ASAP1: variants seen among roughly 807,000 people sequenced by gnomAD.
ASAP1 encodes the protein ArfGAP with SH3 domain, ankyrin repeat and PH domain 1, also known as arf-GAP with SH3 domain, ANK repeat and PH domain-containing protein 1.
ASAP1 carries 43 observed loss-of-function variants against 145.2 expected under a neutral mutation model. That is an observed-to-expected ratio of 0.30 (90% CI 0.23 to 0.38). ASAP1 has a LOEUF of 0.38. ASAP1 is among the 10% of genes least tolerant of loss of function. The pLI, the probability that ASAP1 is intolerant of heterozygous loss-of-function variation, is 1.00. For synonymous variants in ASAP1, 546 were observed against 515.5 expected (o/e 1.06, Z -0.80); for missense variants, 1,018 against 1,355.3 (o/e 0.75, Z 3.91).
At chr8:130,321,752 G>T (rs755722097) in intron 3 of ASAP1, among the ~76,000 whole-genome samples, 1 of 152,090 alleles carries the variant, frequency 6.6e-6, no homozygotes, top group Non-Finnish European at 1.5e-5. Flanking sequence ...AAACTAATAT[G>T]CCAGAAAGAT....
intron 3 of ASAP1, among the ~76,000 whole-genome samples, chr8:130,349,607 T>C (rs1280058462): frequency 3.3e-5 from 5 of 152,086 alleles, no homozygotes; most frequent in African/African-American, 7.2e-5. Context: ...GGCAAGAGAA[T>C]TTCACCCTCC....
intron 11 of ASAP1, among the ~76,000 whole-genome samples, chr8:130,161,266 G>C (rs779175688): frequency 6.6e-6 from 1 of 152,112 alleles, no homozygotes; most frequent in Non-Finnish European, 1.5e-5. Context: ...CCTGAAATGT[G>C]ATAGTGTCGA....
intron 27 of ASAP1, among the ~76,000 whole-genome samples, chr8:130,072,449 G>T (rs1330988021): frequency 6.6e-6 from 1 of 152,102 alleles, no homozygotes; most frequent in Non-Finnish European, 1.5e-5. Context: ...CTGCTGCCAT[G>T]TAAGACGTGC....
chr8:130,269,976 C>T (rs1439644230), intron 3 of ASAP1, among the ~76,000 whole-genome samples: 2 of 152,104 alleles, frequency 1.3e-5, no homozygotes, highest in African/African-American at 4.8e-5. Flanking sequence ...TCAAGACCAG[C>T]CTGGCTAACA....
At chr8:130,068,446 G>C (rs1020497524) in intron 27 of ASAP1, among the ~76,000 whole-genome samples, 1 of 152,356 alleles carries the variant, frequency 6.6e-6, no homozygotes, top group Middle Eastern at 3.4e-3. Flanking sequence ...GGTATAGTGC[G>C]AAAGAACTGT....
intron 28 of ASAP1, among the ~76,000 whole-genome samples, chr8:130,060,367 C>G (rs1199140038): frequency 6.6e-6 from 1 of 152,178 alleles, no homozygotes; most frequent in Non-Finnish European, 1.5e-5. Flanking sequence ...ATGTCAGGCA[C>G]TGAAGCCAGG....
chr8:130,208,318 T>C (rs1313139249), intron 5 of ASAP1, among the ~76,000 whole-genome samples: 1 of 152,196 alleles, frequency 6.6e-6, no homozygotes, highest in East Asian at 1.9e-4. Flanking sequence ...TATAGTTCTA[T>C]GGCATTCTGT....
chr8:130,443,251 G>C (rs1166835360), intron 1 of ASAP1, among the ~76,000 whole-genome samples: 2 of 151,848 alleles, frequency 1.3e-5, no homozygotes, highest in East Asian at 3.9e-4. Flanking sequence ...CGGCCCCGCA[G>C]AGCCTGGCCG....
intron 7 of ASAP1, among the ~76,000 whole-genome samples, chr8:130,183,328 T>C (rs1282297286): frequency 2.0e-5 from 3 of 152,052 alleles, no homozygotes; most frequent in Non-Finnish European, 4.4e-5. Flanking sequence ...CATTTAGAGA[T>C]AAAATTATTA....
At chr8:130,095,621 TC>T (rs973993663) in intron 24 of ASAP1, among the ~76,000 whole-genome samples, 1 of 146,308 alleles carries the variant, frequency 6.8e-6, no homozygotes, top group Non-Finnish European at 1.5e-5. Context: ...GATTCTTTTG[TC>T]TTTTTTTTTT....
chr8:130,131,241 A>G (rs1341654672), intron 15 of ASAP1, among the ~76,000 whole-genome samples: 2 of 152,172 alleles, frequency 1.3e-5, no homozygotes, highest in South Asian at 2.1e-4. Flanking sequence ...TGAGTCTAAC[A>G]TGCATCTGCT....
intron 27 of ASAP1, among the ~76,000 whole-genome samples, chr8:130,066,457 C>T (rs543949039): frequency 3.9e-5 from 6 of 152,262 alleles, no homozygotes; most frequent in South Asian, 2.1e-4. Context: ...GTGATCCTCC[C>T]GCTTCAGCCT....
intron 13 of ASAP1, among the ~76,000 whole-genome samples, chr8:130,146,943 C>T (rs1256809723): frequency 6.6e-6 from 1 of 151,994 alleles, no homozygotes; most frequent in African/African-American, 2.4e-5. Flanking sequence ...AGAATTCCAA[C>T]GGCCAGGTGT....
chr8:130,344,916 T>C (rs1291196360), intron 3 of ASAP1, among the ~76,000 whole-genome samples: 1 of 152,174 alleles, frequency 6.6e-6, no homozygotes, highest in Non-Finnish European at 1.5e-5. Flanking sequence ...ATAAAACCCG[T>C]ATGTTTTAGT....
chr8:130,278,016 G>C (rs1821019386), intron 3 of ASAP1, among the ~76,000 whole-genome samples: 1 of 151,064 alleles, frequency 6.6e-6, no homozygotes, highest in African/African-American at 2.4e-5. Flanking sequence ...CAGCGAGGCT[G>C]AAGATTTATT....
chr8:130,389,809 TTCCACCTCAGCC>T (rs1355775159), intron 2 of ASAP1, among the ~76,000 whole-genome samples: 2 of 152,210 alleles, frequency 1.3e-5, no homozygotes, highest in Non-Finnish European at 2.9e-5. Context: ...CAAGCAATCC[TTCCACCTCAGCC>T]TCCCAACTAC....
intron 18 of ASAP1, among the ~76,000 whole-genome samples, chr8:130,120,673 C>G (rs1331805704): frequency 6.6e-6 from 1 of 152,164 alleles, no homozygotes. Context: ...GCAGATGCCA[C>G]GCAATTATTT....
intron 1 of ASAP1, among the ~76,000 whole-genome samples, chr8:130,412,408 C>T (rs1052684158): frequency 1.3e-5 from 2 of 151,944 alleles, no homozygotes; most frequent in African/African-American, 4.8e-5. Flanking sequence ...TGCTCTCTCT[C>T]TTGCTCCTGC....
chr8:130,205,399 AAC>A (rs1049717176), intron 5 of ASAP1, among the ~76,000 whole-genome samples: 4 of 151,666 alleles, frequency 2.6e-5, no homozygotes, highest in Admixed American at 1.3e-4. Flanking sequence ...AAAAAAAAAA[AAC>A]AAAAACCATA....
Sources: gnomAD v4.1 joint callset for allele counts (sites outside exome capture counted in the v4.1 genomes callset) on GRCh38, gnomAD v4.1.1 for gene constraint, MANE v1.5 for transcripts, NCBI Gene and HGNC (gene_info 2026-07-23, HGNC 2026-07-21) for gene names.